The following NLN variants were observed in gnomAD, a reference collection of about 807,000 sequenced individuals.
NLN encodes neurolysin, mitochondrial.
NLN carries 64 observed loss-of-function variants against 79.9 expected under a neutral mutation model. That is an observed-to-expected ratio of 0.80 (90% CI 0.65 to 0.99). The LOEUF is 0.99. Among genes scored for constraint, NLN ranks in the 50% least tolerant of loss-of-function variants. The pLI, the probability that NLN is intolerant of heterozygous loss-of-function variation, is 0.00. For missense variants in NLN, 835 were observed against 858.7 expected (o/e 0.97, Z 0.34); for synonymous variants, 267 against 296.6 (o/e 0.90, Z 1.02).
intron 3 of NLN, among the ~76,000 whole-genome samples, chr5:65,766,508 C>G (rs1759453821): frequency 6.6e-6 from 1 of 152,174 alleles, no homozygotes; most frequent in Non-Finnish European, 1.5e-5. Context: ...CCTCCCTTGA[C>G]ATGCGGAAAT....
At chr5:65,753,417 G>A (rs1473267118) in intron 1 of NLN, among the ~76,000 whole-genome samples, 1 of 152,138 alleles carries the variant, frequency 6.6e-6, no homozygotes, top group Non-Finnish European at 1.5e-5. Context: ...GGAAGGCCAA[G>A]GTGGGCGGAT....
intron 1 of NLN, among the ~76,000 whole-genome samples, chr5:65,742,085 A>G (rs1440764099): frequency 1.3e-5 from 2 of 152,184 alleles, no homozygotes; most frequent in Non-Finnish European, 2.9e-5. Context: ...GTAGTTTCTA[A>G]CATTTTAACA....
chr5:65,763,019 G>A lies in NLN; in HGVS notation c.361G>A (p.Ala121Thr). The stretch of plus-strand genomic sequence containing the variant: ...ATCCTCTGACAAAGAAGTACGAGCA[G>A]CAAGTACAGAAGCAGACAAAAGACT... Reference protein sequence around the residue: ...HVSSDKEVRAASTEADKRLSR... With the variant: ...HVSSDKEVRATSTEADKRLSR... The change falls in exon 3 of 13, where the codon GCA (alanine) becomes ACA (threonine). Residue 121 changes from alanine to threonine, a missense_variant. Coordinates refer to ENST00000380985, the MANE Select transcript of NLN (RefSeq NM_020726.5). 1 of 1,613,922 alleles carries A rather than the reference G, an allele frequency of 6.2e-7. No homozygotes were observed. The highest frequency in any genetic ancestry group is 8.5e-7 in the Non-Finnish European group (1 of 1,179,872).
At chr5:65,759,582 G>A (rs960991248) in intron 2 of NLN, among the ~76,000 whole-genome samples, 1 of 152,160 alleles carries the variant, frequency 6.6e-6, no homozygotes, top group African/African-American at 2.4e-5. Context: ...TCCAGCTCCA[G>A]TCCGAAGGCC....
Position 65,781,300 on chromosome 5 carries a change from C to T in NLN, c.701C>T (p.Thr234Ile), listed in dbSNP as rs781236085. Residue 234 changes from threonine (T) to isoleucine (I), a missense_variant, in exon 6 of 13, where the codon ACA becomes ATA. Physicochemically the swap from Thr to Ile is moderately conservative, Grantham distance 89 (BLOSUM62 -1). Coordinates refer to ENST00000380985, the MANE Select transcript of NLN (RefSeq NM_020726.5). ...PDDFIDSLEK[T>I]DDDKYKITLK... ...GATTTCATTGACAGTTTAGAAAAGA[C>T]AGATGATGACAAGTATAAAATTACC... 5 of 1,608,184 alleles carry T rather than the reference C, an allele frequency of 3.1e-6. No homozygotes were observed. Among genetic ancestry groups the T allele is most frequent in the South Asian group, 2.2e-5 (2 of 90,788 alleles).
Position 65,817,637 on chromosome 5 carries a change from C to G in NLN, c.1981-5144C>G, listed in dbSNP as rs116510237. ...AAGAAATTGCTAAGCTTTGTTTCTT[C>G]CATCAGAGGAGAAGAAATATGAACA... On this transcript the variant is annotated intron_variant, in intron 12 of 12. Transcript: ENST00000380985. Among the ~76,000 whole-genome samples the G allele has an allele frequency of 9.5e-3, 1,439 of 152,256 alleles. 18 individuals carry two copies. The highest frequency in any genetic ancestry group is 0.032 in the African/African-American group (1,345 of 41,554).
intron 8 of NLN, 136 bp downstream of exon 8, chr5:65,788,620 G>C (rs1759990132): frequency 2.3e-6 from 2 of 886,106 alleles, no homozygotes; most frequent in East Asian, 2.4e-5. Context: ...AGGATTGCTT[G>C]AGGCTAGGAG....
Position 65,788,347 on chromosome 5 carries a change from C to A in NLN, c.1188C>A (p.Thr396=). 2 of 1,614,178 alleles carry A rather than the reference C, an allele frequency of 1.2e-6. No individual in the cohort carries two copies. Among genetic ancestry groups the A allele is most frequent in the Non-Finnish European group, 1.7e-6 (2 of 1,180,016 alleles). The stretch of plus-strand genomic sequence containing the variant: ...TGGTCACTGAAGGCTTGCTGAACAC[C>A]TACCAGGAGTTGTTGGGACTTTCAT... The part of the protein sequence containing the change: ...IEVVTEGLLN[T]YQELLGLSFE... Residue 396 remains threonine, a synonymous_variant, in exon 8 of 13, where the codon ACC becomes ACA. Transcript: ENST00000380985.
chr5:65,786,009 T>C, intron 7 of NLN, 99 bp downstream of exon 7: 2 of 1,084,124 alleles, frequency 1.8e-6, no homozygotes, highest in Non-Finnish European at 2.7e-6. Flanking sequence ...ATCCTACTTT[T>C]CCTTCATTTG....
intron 3 of NLN, among the ~76,000 whole-genome samples, chr5:65,765,686 G>T (rs1759436807): frequency 6.6e-6 from 1 of 151,260 alleles, no homozygotes; most frequent in Non-Finnish European, 1.5e-5. Flanking sequence ...TCCAGCCTGA[G>T]TCACAGAGTG....
At position 65,758,615 on chromosome 5, in the gene NLN, G is replaced by A. The variant is rs1759273443; in HGVS notation, c.90G>A (p.Val30=). ...ILLRMTLGRE[V]MSPLQAMSSY... ...TCAGAATGACGTTAGGAAGAGAAGT[G>A]ATGTCTCCTCTTCAGGCAATGTCTT... Residue 30 remains valine, a synonymous_variant, in exon 2 of 13, where the codon GTG becomes GTA. Coordinates refer to ENST00000380985, the MANE Select transcript of NLN (RefSeq NM_020726.5). 1 of 1,602,504 alleles carries A rather than the reference G, an allele frequency of 6.2e-7. No homozygotes were observed. Among genetic ancestry groups the A allele is most frequent in the Non-Finnish European group, 8.6e-7 (1 of 1,169,582 alleles).
At position 65,810,341 on chromosome 5, in the gene NLN, C is replaced by T. The variant is rs765781944; in HGVS notation, c.1843+176C>T. Among the ~76,000 whole-genome samples the T allele has an allele frequency of 8.6e-4, 131 of 152,162 alleles. 1 individual carries two copies. The highest frequency in any genetic ancestry group is 1.7e-3 in the Non-Finnish European group (114 of 68,040). On this transcript the variant is annotated intron_variant, in intron 11 of 12. Transcript: ENST00000380985. ...CCTTATGAGTTATCCCGTCCAAATGCGCTTGAAGGAAAGGTGGCTCCAGAT... is the reference window on the plus strand; with the variant it reads ...CCTTATGAGTTATCCCGTCCAAATGTGCTTGAAGGAAAGGTGGCTCCAGAT...
At chr5:65,745,224 A>T (rs1758950866) in intron 1 of NLN, among the ~76,000 whole-genome samples, 1 of 152,232 alleles carries the variant, frequency 6.6e-6, no homozygotes, top group East Asian at 1.9e-4. Context: ...AGTGGTATAG[A>T]TAACAAGTCA....
rs1760908397 is a variant in NLN at position 65,825,861 on chromosome 5, T to A, written c.*2946T>A. ...GTATGAATTATAGGTCTGTGGAGAT[T>A]CTGCCTCCCCACTAGGCCAGTGTGT... is the stretch of plus-strand genomic sequence containing the variant. On this transcript the variant is annotated 3_prime_UTR_variant, in exon 13 of 13. Coordinates refer to ENST00000380985, the MANE Select transcript of NLN (RefSeq NM_020726.5). 6.6e-6 allele frequency: 1 copy of A among 152,240 alleles called. No individual in the cohort carries two copies. Among genetic ancestry groups the A allele is most frequent in the Non-Finnish European group, 1.5e-5 (1 of 68,044 alleles). The allele number at this position is 152,240 out of a possible 1,614,324, so 9.4% of individuals were successfully genotyped here. A position where few individuals can be genotyped will look rare whatever the true frequency, so the allele number is the denominator to read the frequency against.
rs546387366 is a variant in NLN, at chr5:65,804,824, C to T, written c.1528-4691C>T. The stretch of plus-strand genomic sequence containing the variant: ...GGGATTACAGATGTGAGCTACCACA[C>T]CCGGACAATTTTTTCATTGTTATTG... On this transcript the variant is annotated intron_variant, in intron 9 of 12. Coordinates refer to ENST00000380985, the MANE Select transcript of NLN (RefSeq NM_020726.5). Among the ~76,000 whole-genome samples, 3 of 152,258 alleles carry T rather than the reference C, an allele frequency of 2.0e-5. No homozygotes were observed. The South Asian group carries it at 6.2e-4, about 32-fold the overall frequency.
chr5:65,753,825 T>A (rs977751351), intron 1 of NLN, among the ~76,000 whole-genome samples: 5 of 152,194 alleles, frequency 3.3e-5, no homozygotes, highest in African/African-American at 1.2e-4. Context: ...AGGGCCAGCC[T>A]TTTTACCTAT....
intron 1 of NLN, among the ~76,000 whole-genome samples, chr5:65,723,814 CA>C (rs760572199): frequency 0.13 from 7,343 of 55,234 alleles, 137 homozygotes; most frequent in South Asian, 0.18. Context: ...GACTCCGTCT[CA>C]AAAAAAAAAA....
chr5:65,792,466 C>T lies in NLN; in HGVS notation c.1338C>T (p.Tyr446=), dbSNP rs1389834272. The part of the protein sequence containing the change: ...YLDLYPREGK[Y]NHAACFGLQP... Reference sequence around the variant, plus strand: ...TTCTGGCTCCTAGGGAAGGAAAATACAATCATGCGGCCTGCTTCGGTCTCC... The same window carrying T: ...TTCTGGCTCCTAGGGAAGGAAAATATAATCATGCGGCCTGCTTCGGTCTCC... Residue 446 remains tyrosine (Y), a synonymous_variant, in exon 9 of 13, where the codon TAC becomes TAT. Coordinates refer to ENST00000380985, the MANE Select transcript of NLN (RefSeq NM_020726.5). 1.1e-5 allele frequency: 17 copies of T among 1,612,726 alleles called. No homozygotes were observed. Among genetic ancestry groups the T allele is most frequent in the Non-Finnish European group, 1.3e-5 (15 of 1,179,178 alleles).
intron 1 of NLN, 146 bp downstream of exon 1, chr5:65,722,560 CCCTGGGGGACACCTGGCGCGGCCA>C (rs1758340135): frequency 1.4e-6 from 1 of 708,126 alleles, no homozygotes; most frequent in African/African-American, 1.9e-5. Flanking sequence ...CAAGGTGGAC[CCCTGGGGGACACCTGGCGCGGCCA>C]CCTGGGGCCA....
Sources: allele counts gnomAD v4.1 joint callset (sites outside exome capture counted in the v4.1 genomes callset), GRCh38; gene constraint gnomAD v4.1.1; transcripts MANE v1.5; gene names NCBI Gene and HGNC (gene_info 2026-07-23, HGNC 2026-07-21).